The following TTC3 variants were observed in gnomAD, a reference collection of about 807,000 sequenced individuals.
The protein encoded by TTC3 is E3 ubiquitin-protein ligase TTC3.
TTC3 carries 180 observed loss-of-function variants against 249.6 expected under a neutral mutation model. The ratio of observed to expected loss-of-function variants is 0.72; its 90% CI spans 0.64 to 0.82. The LOEUF (loss-of-function observed/expected upper bound fraction) is 0.82, where lower values mean the gene tolerates loss of function less well. TTC3 is among the 40% of genes least tolerant of loss of function. TTC3 has a pLI of 0.00. For missense variants in TTC3, 2,061 were observed against 2,398.4 expected, an observed-to-expected ratio of 0.86 and a Z score of 2.94; for synonymous variants, 717 against 805.0, an observed-to-expected ratio of 0.89 and a Z score of 1.85.
At chr21:37,192,253 T>C in intron 41 of TTC3, 40 bp downstream of exon 41, 1 of 1,372,922 alleles carries the variant, frequency 7.3e-7, no homozygotes, top group Non-Finnish European at 1.0e-6. Context: ...TAAACCATAA[T>C]TCATTTGTTA....
At chr21:37,122,404 AATATATATATATATAATAT>A (rs1555879375) in intron 12 of TTC3, among the ~76,000 whole-genome samples, 1 of 134,810 alleles carries the variant, frequency 7.4e-6, no homozygotes, top group Non-Finnish European at 1.6e-5. Context: ...CAGCGTGCTG[AATATATATATATATAATAT>A]ATATATATAT....
intron 41 of TTC3, chr21:37,194,908 GCA>G (rs2084690186): frequency 2.0e-5 from 3 of 152,390 alleles, no homozygotes; most frequent in Admixed American, 1.3e-4. Context: ...ATGGGGCATG[GCA>G]GTGGGGGTGG....
intron 11 of TTC3, among the ~76,000 whole-genome samples, chr21:37,115,695 GT>G (rs2076084884): frequency 1.3e-5 from 2 of 152,152 alleles, no homozygotes; most frequent in Admixed American, 1.3e-4. Flanking sequence ...AACACTTGTT[GT>G]TTCTCCAACC....
rs146198133 is a variant in TTC3 at position 37,095,211 on chromosome 21, A to G, written c.688-139A>G. The stretch of plus-strand genomic sequence containing the variant: ...ATGTAACAAAATATTGGGTATTGTA[A>G]TCTCATTTTCTACATAAATAATCCC... On this transcript the variant is annotated intron_variant, in intron 8 of 45. Transcript: ENST00000355666. 8.9e-3 allele frequency: 5,301 copies of G among 593,412 alleles called. 45 individuals are homozygous for G. The highest frequency in any genetic ancestry group is 0.011 in the Non-Finnish European group (3,721 of 329,052). 36.8% of individuals were successfully genotyped at this position (593,412 alleles called of 1,614,324 possible).
chr21:37,111,791 A>G (rs1467745125), intron 11 of TTC3, among the ~76,000 whole-genome samples: 1 of 152,216 alleles, frequency 6.6e-6, no homozygotes, highest in Non-Finnish European at 1.5e-5. Context: ...TTGACCGCAT[A>G]GTTGGAAGTA....
At chr21:37,088,828 A>G in exon 5 of TTC3, 1 of 1,613,378 alleles carries the variant, frequency 6.2e-7, no homozygotes, top group East Asian at 2.2e-5. Context: ...ATAAATTTGA[A>G]GAAACTACAA....
chr21:37,159,667 T>C, intron 28 of TTC3, 32 bp from the exon 29 acceptor site: 1 of 1,607,734 alleles, frequency 6.2e-7, no homozygotes, highest in South Asian at 1.1e-5. Flanking sequence ...AATATTTAGT[T>C]TTCTCACAAA....
chr21:37,159,545 C>T, intron 28 of TTC3, 154 bp from the exon 29 acceptor site: 1 of 726,796 alleles, frequency 1.4e-6, no homozygotes, highest in Non-Finnish European at 2.2e-6. Flanking sequence ...AGCCATTTTG[C>T]CCTTGGTTTC....
At chr21:37,126,369 A>T (rs1485528624) in intron 15 of TTC3, among the ~76,000 whole-genome samples, 2 of 152,208 alleles carry the variant, frequency 1.3e-5, no homozygotes, top group South Asian at 2.1e-4. Context: ...GGAAAGGAAA[A>T]GATGAAGTAC....
rs1601421154 is a variant in TTC3 at position 37,101,549 on chromosome 21, A to G, written c.845+4906A>G. Among the ~76,000 whole-genome samples the G allele has an allele frequency of 3.7e-5, 3 of 80,028 alleles. No homozygotes were observed. The South Asian group carries it at 1.7e-3, about 44-fold the overall frequency. The allele number at this position is 80,028 out of a possible 152,430, so 52.5% of individuals were successfully genotyped here. ...GTAACAAATGCACATGGTAAGCAACAGAGTAGGAAAAGGTACACTCGCCAG... is the reference window on the plus strand; with the variant it reads ...GTAACAAATGCACATGGTAAGCAACGGAGTAGGAAAAGGTACACTCGCCAG... On this transcript the variant is annotated intron_variant, in intron 10 of 45. Coordinates refer to ENST00000355666, the Ensembl canonical transcript of TTC3.
intron 7 of TTC3, chr21:37,091,714 T>C (rs1208318685): frequency 1.9e-5 from 3 of 156,684 alleles, no homozygotes; most frequent in African/African-American, 7.2e-5. Flanking sequence ...CCCGAGTAGT[T>C]GAGACTATGG....
intron 17 of TTC3, among the ~76,000 whole-genome samples, chr21:37,134,779 C>G (rs1283026015): frequency 6.6e-6 from 1 of 152,152 alleles, no homozygotes; most frequent in East Asian, 1.9e-4. Context: ...CACATGATAG[C>G]AATTTTGTTT....
intron 8 of TTC3, 57 bp from the exon 9 acceptor site, chr21:37,095,293 G>C: frequency 8.9e-7 from 1 of 1,129,018 alleles, no homozygotes; most frequent in Non-Finnish European, 1.3e-6. Context: ...CTAGGTATTG[G>C]GTTCTTGATG....
intron 10 of TTC3, among the ~76,000 whole-genome samples, chr21:37,102,017 A>G (rs2147762518): frequency 7.1e-6 from 1 of 141,508 alleles, no homozygotes; most frequent in Admixed American, 7.2e-5. Context: ...TAAAGATTAT[A>G]TATACCTATG....
chr21:37,186,811 T>A (rs1421779551), intron 37 of TTC3, among the ~76,000 whole-genome samples: 1 of 152,236 alleles, frequency 6.6e-6, no homozygotes, highest in African/African-American at 2.4e-5. Flanking sequence ...ACCTTGATTC[T>A]CAGCATGCCC....
At chr21:37,198,518 G>A (rs1438896711) in intron 44 of TTC3, among the ~76,000 whole-genome samples, 3 of 152,154 alleles carry the variant, frequency 2.0e-5, no homozygotes, top group Non-Finnish European at 4.4e-5. Flanking sequence ...GCTTCATGAT[G>A]GATGTTTGTA....
chr21:37,086,362 A>C (rs1343965881), intron 1 of TTC3: 1 of 152,182 alleles, frequency 6.6e-6, no homozygotes, highest in Non-Finnish European at 1.5e-5. Context: ...GAAGTAATAA[A>C]ATGGTGCATT....
Position 37,120,587 on chromosome 21 carries a change from T to C in TTC3, c.901-1230T>C, listed in dbSNP as rs145892922. The stretch of plus-strand genomic sequence containing the variant: ...GAGAGATGCCTTTGTCTTCTTATAC[T>C]TTAGGTGTCAGGAAGCATGGCCTAT... On this transcript the variant is annotated intron_variant, in intron 11 of 45. Transcript: ENST00000355666. Among the ~76,000 whole-genome samples, 223 of 152,294 alleles carry C rather than the reference T, an allele frequency of 1.5e-3. 2 individuals carry two copies. The highest frequency in any genetic ancestry group is 4.9e-3 in the African/African-American group (204 of 41,550).
chr21:37,163,595 C>T (rs1191601499), intron 31 of TTC3, among the ~76,000 whole-genome samples: 6 of 152,156 alleles, frequency 3.9e-5, no homozygotes, highest in Non-Finnish European at 2.9e-5. Context: ...AGTGATCTGC[C>T]TGCCTTGGCC....
Sources: gnomAD v4.1 joint callset for allele counts (sites outside exome capture counted in the v4.1 genomes callset) on GRCh38, gnomAD v4.1.1 for gene constraint, MANE v1.5 for transcripts, NCBI Gene and HGNC (gene_info 2026-07-23, HGNC 2026-07-21) for gene names.